Variants in APBA1 observed in about 807,000 individuals in gnomAD.
The protein encoded by APBA1 is amyloid-beta A4 precursor protein-binding family A member 1.
In APBA1, 55 loss-of-function variants were observed where a neutral mutation model predicts 86.6. The ratio of observed to expected loss-of-function variants is 0.64; its 90% confidence interval spans 0.51 to 0.80. The LOEUF (loss-of-function observed/expected upper bound fraction) is 0.80. Ranked by LOEUF, APBA1 falls within the 30% of genes least tolerant of loss-of-function variation. The pLI, the probability that APBA1 is intolerant of heterozygous loss-of-function variation, is 0.00. For missense variants in APBA1, 1,090 were observed against 1,183.0 expected (o/e 0.92, Z 1.15); for synonymous variants, 511 against 493.9 (o/e 1.03, Z -0.46).
At chr9:69,638,666 G>A (rs1227462696) in intron 1 of APBA1, among the ~76,000 whole-genome samples, 1 of 152,172 alleles carries the variant, frequency 6.6e-6, no homozygotes, top group Non-Finnish European at 1.5e-5. Flanking sequence ...AACCACTCAG[G>A]TATCAAGTCA....
chr9:69,452,716 G>T (rs1835032048), intron 8 of APBA1, among the ~76,000 whole-genome samples: 1 of 152,142 alleles, frequency 6.6e-6, no homozygotes, highest in South Asian at 2.1e-4. Context: ...TAAACACAAA[G>T]ACTTTGTATG....
intron 3 of APBA1, among the ~76,000 whole-genome samples, chr9:69,475,314 T>C (rs1376898640): frequency 6.6e-6 from 1 of 152,212 alleles, no homozygotes; most frequent in East Asian, 1.9e-4. Flanking sequence ...GCTATTTAAG[T>C]TAATTAAAAT....
At chr9:69,436,915 T>G (rs1472854435) in intron 11 of APBA1, among the ~76,000 whole-genome samples, 2 of 152,036 alleles carry the variant, frequency 1.3e-5, no homozygotes, top group African/African-American at 4.8e-5. Context: ...TGTGGGTTTG[T>G]CATAGATAGC....
At chr9:69,458,632 A>C (rs568987926) in intron 5 of APBA1, among the ~76,000 whole-genome samples, 20 of 152,148 alleles carry the variant, frequency 1.3e-4, no homozygotes, top group Non-Finnish European at 2.6e-4. Context: ...AAAGCTATGA[A>C]TCTCCCTCTA....
At chr9:69,521,410 C>T (rs1836249649) in intron 1 of APBA1, among the ~76,000 whole-genome samples, 1 of 152,138 alleles carries the variant, frequency 6.6e-6, no homozygotes, top group South Asian at 2.1e-4. Flanking sequence ...TTCCCCAGGC[C>T]ACATTCATAC....
chr9:69,456,515 A>C lies in APBA1; in HGVS notation c.1603-83T>G, dbSNP rs564013390. 5 of 1,416,054 alleles carry C rather than the reference A, an allele frequency of 3.5e-6. No individual in the cohort carries two copies. In the Admixed American group the frequency reaches 9.1e-5, roughly 26 times the overall value. 87.7% of individuals were successfully genotyped at this position (1,416,054 alleles called of 1,614,324 possible). On this transcript the variant is annotated intron_variant, in intron 7 of 12. Transcript: ENST00000265381. ...GCGCCTGCCACCTTACAGCCAGTCA[A>C]GTATGGTTCGCATGCAGGGTGGGCT...
chr9:69,642,936 C>G (rs1409685646), intron 1 of APBA1, among the ~76,000 whole-genome samples: 1 of 151,796 alleles, frequency 6.6e-6, no homozygotes, highest in Non-Finnish European at 1.5e-5. Context: ...CCTCCACAAT[C>G]ACACGAACCA....
At chr9:69,623,731 C>A (rs968697409) in intron 1 of APBA1, among the ~76,000 whole-genome samples, 8 of 152,348 alleles carry the variant, frequency 5.3e-5, no homozygotes, top group Middle Eastern at 3.4e-3. Flanking sequence ...CACATTCTAA[C>A]AGGCTCCCTG....
chr9:69,431,481 C>T, intron 12 of APBA1, 83 bp from the exon 13 acceptor site: 2 of 1,217,066 alleles, frequency 1.6e-6, no homozygotes, highest in South Asian at 2.7e-5. Flanking sequence ...GCCAGAGAGG[C>T]AGTGCCTCTC....
intron 2 of APBA1, among the ~76,000 whole-genome samples, chr9:69,504,067 G>A (rs564509412): frequency 2.6e-5 from 4 of 152,188 alleles, no homozygotes; most frequent in African/African-American, 9.6e-5. Context: ...CTGGCTGTAA[G>A]TCTCCCAGTT....
chr9:69,475,161 C>T (rs1835423176), intron 3 of APBA1, among the ~76,000 whole-genome samples: 1 of 152,182 alleles, frequency 6.6e-6, no homozygotes, highest in Admixed American at 6.5e-5. Context: ...CTGGGGCTGC[C>T]CTTTCTCAGA....
At chr9:69,561,432 A>G (rs1836944036) in intron 1 of APBA1, among the ~76,000 whole-genome samples, 1 of 152,200 alleles carries the variant, frequency 6.6e-6, no homozygotes, top group African/African-American at 2.4e-5. Flanking sequence ...TTATGTAGGA[A>G]GGAAGGTAGC....
At chr9:69,470,409 C>A (rs866031741) in intron 4 of APBA1, among the ~76,000 whole-genome samples, 18 of 152,252 alleles carry the variant, frequency 1.2e-4, no homozygotes, top group African/African-American at 4.1e-4. Context: ...CATACTCAGG[C>A]TAATGCTGAG....
intron 1 of APBA1, among the ~76,000 whole-genome samples, chr9:69,538,912 A>G (rs61564158): frequency 0.21 from 32,152 of 152,154 alleles, 4,050 homozygotes; most frequent in African/African-American, 0.35. Flanking sequence ...TGTCTGGGTC[A>G]CCAGTGAGTT....
intron 3 of APBA1, 147 bp downstream of exon 3, chr9:69,475,901 C>G (rs936610543): frequency 2.9e-6 from 2 of 682,326 alleles, no homozygotes; most frequent in African/African-American, 3.6e-5. Context: ...AACAGGTGAA[C>G]TGCACACTGG....
chr9:69,596,216 G>A (rs1034521695), intron 1 of APBA1, among the ~76,000 whole-genome samples: 1 of 151,972 alleles, frequency 6.6e-6, no homozygotes, highest in African/African-American at 2.4e-5. Context: ...TGAACTCCTG[G>A]GCTCAAGTAA....
In APBA1 at chr9:69,467,951, G is replaced by C. The variant is rs565278828; in HGVS notation, c.1354C>G (p.Pro452Ala). ...TYVEVPGPCDPEDLIDGIIFA... is the reference protein window; with the variant it reads ...TYVEVPGPCDAEDLIDGIIFA... ...ATGATTCCATCGATCAAGTCTTCGG[G>C]GTCGCAGGGTCCCGGAACTGTAACA... Residue 452 changes from proline to alanine, a missense_variant, in exon 5 of 13, where the codon CCC (proline) becomes GCC (alanine). Pro to Ala is a conservative substitution (Grantham distance 27). This residue lies in a region of APBA1 where 76 missense variants were observed against 122.2 expected (regional missense o/e 0.62). Coordinates refer to ENST00000265381, the MANE Select transcript of APBA1 (RefSeq NM_001163.4). 50 of 1,614,102 alleles carry C rather than the reference G, an allele frequency of 3.1e-5. No homozygotes were observed. In the South Asian group the frequency reaches 5.4e-4, roughly 17 times the overall value.
chr9:69,501,629 AACAC>A (rs57033911), intron 2 of APBA1, among the ~76,000 whole-genome samples: 2,099 of 142,116 alleles, frequency 0.015, 23 homozygotes, highest in Middle Eastern at 0.033. Flanking sequence ...GTCTCTACAA[AACAC>A]ACACACACAC....
At chr9:69,458,546 G>A (rs775119954) in intron 5 of APBA1, among the ~76,000 whole-genome samples, 1 of 151,926 alleles carries the variant, frequency 6.6e-6, no homozygotes, top group Non-Finnish European at 1.5e-5. Flanking sequence ...ACTTTCTTTG[G>A]GTTTAATTTG....
Sources: gnomAD v4.1 joint callset for allele counts (sites outside exome capture counted in the v4.1 genomes callset) on GRCh38, gnomAD v4.1.1 for gene constraint, gnomAD v4.1.1 regional missense constraint, MANE v1.5 for transcripts, NCBI Gene and HGNC (gene_info 2026-07-23, HGNC 2026-07-21) for gene names.